The following ERBB4 variants were observed in gnomAD, a reference collection of about 807,000 sequenced individuals.
ERBB4 encodes the protein erb-b2 receptor tyrosine kinase 4.
ERBB4 carries 42 observed loss-of-function variants against 158.0 expected under a neutral mutation model. That is an observed-to-expected ratio of 0.27 (90% CI 0.21 to 0.34). The LOEUF is 0.34. Among genes scored for constraint, ERBB4 ranks in the 10% least tolerant of loss-of-function variants. The pLI is 1.00. For missense variants in ERBB4, 1,333 were observed against 1,624.1 expected, an observed-to-expected ratio of 0.82 and a Z score of 3.08; for synonymous variants, 583 against 558.7, an observed-to-expected ratio of 1.04 and a Z score of -0.61.
At position 211,815,000 on chromosome 2, in the gene ERBB4, G is replaced by A. The variant is rs557956561; in HGVS notation, c.422-26841C>T. On this transcript the variant is annotated intron_variant, in intron 3 of 27. Transcript: ENST00000342788. ...TTTCCAGGGACAGGCTCAGTTGATA[G>A]GTGTTTTTCCAGAGTAATTATAAAT... Among the ~76,000 whole-genome samples, 93 of 152,266 alleles carry A rather than the reference G, an allele frequency of 6.1e-4. 1 individual carries two copies. Among genetic ancestry groups the A allele is most frequent in the African/African-American group, 2.2e-3 (91 of 41,570 alleles).
chr2:211,587,446 CAG>C (rs1447588292), intron 19 of ERBB4, among the ~76,000 whole-genome samples: 1 of 152,010 alleles, frequency 6.6e-6, no homozygotes, highest in Non-Finnish European at 1.5e-5. Context: ...TGTGAAGACA[CAG>C]AAGCATAGGG....
intron 5 of ERBB4, among the ~76,000 whole-genome samples, chr2:211,735,367 G>A (rs977058194): frequency 1.3e-5 from 2 of 152,146 alleles, no homozygotes; most frequent in Admixed American, 6.5e-5. Context: ...TTTAAAATTA[G>A]TTTTCTGACT....
intron 1 of ERBB4, among the ~76,000 whole-genome samples, chr2:212,455,157 A>C (rs1382091073): frequency 7.3e-6 from 1 of 136,648 alleles, no homozygotes; most frequent in African/African-American, 2.5e-5. Flanking sequence ...TCCATTCAAG[A>C]AACAGTAGAG....
chr2:211,688,647 T>C (rs567719365), intron 12 of ERBB4, among the ~76,000 whole-genome samples: 12 of 152,354 alleles, frequency 7.9e-5, no homozygotes, highest in African/African-American at 2.4e-4. Context: ...CTTTTAACAA[T>C]GCAAAGTGGG....
intron 5 of ERBB4, among the ~76,000 whole-genome samples, chr2:211,732,658 G>A (rs1328861931): frequency 6.6e-6 from 1 of 152,118 alleles, no homozygotes; most frequent in Non-Finnish European, 1.5e-5. Context: ...TTCAGAGTCA[G>A]TTAATAAAAG....
chr2:211,503,704 A>G (rs2065673809), intron 20 of ERBB4, among the ~76,000 whole-genome samples: 1 of 152,206 alleles, frequency 6.6e-6, no homozygotes, highest in Non-Finnish European at 1.5e-5. Context: ...GCTGGCAGGT[A>G]TGGAAGCTGG....
At chr2:212,051,044 C>A (rs1214775360) in intron 2 of ERBB4, among the ~76,000 whole-genome samples, 1 of 152,152 alleles carries the variant, frequency 6.6e-6, no homozygotes. Flanking sequence ...AGAACAAAGG[C>A]ACTGCCATGA....
chr2:212,333,193 T>C (rs1176107556), intron 1 of ERBB4, among the ~76,000 whole-genome samples: 1 of 152,000 alleles, frequency 6.6e-6, no homozygotes, highest in Admixed American at 6.6e-5. Context: ...CTCTACCAGA[T>C]TGAGCCCTGG....
At chr2:211,687,444 T>C (rs1259997785) in intron 12 of ERBB4, among the ~76,000 whole-genome samples, 4 of 152,150 alleles carry the variant, frequency 2.6e-5, no homozygotes, top group African/African-American at 9.7e-5. Context: ...GAGATTGGCC[T>C]GGTGAGAGTA....
At chr2:211,586,679 T>C (rs1485888267) in intron 19 of ERBB4, among the ~76,000 whole-genome samples, 2 of 152,186 alleles carry the variant, frequency 1.3e-5, no homozygotes, top group African/African-American at 4.8e-5. Context: ...TTTGAGTCTA[T>C]TCTGGTTTCT....
rs2086899524 is a variant in ERBB4 at position 212,308,518 on chromosome 2, C to T, written c.83-183615G>A. On this transcript the variant is annotated intron_variant, in intron 1 of 27. Transcript: ENST00000342788. ...AGGTTCTGAAGAAGCTTTAAAAGAC[C>T]AGAATTTATTTGAAGTTATATAGTT... Among the ~76,000 whole-genome samples the T allele has an allele frequency of 2.0e-5, 3 of 150,822 alleles. No individual in the cohort carries two copies. The South Asian group carries it at 6.2e-4, about 31-fold the overall frequency.
At chr2:211,899,634 A>G (rs2079183002) in intron 3 of ERBB4, among the ~76,000 whole-genome samples, 1 of 151,816 alleles carries the variant, frequency 6.6e-6, no homozygotes, top group South Asian at 2.1e-4. Context: ...CTCTAGTGAT[A>G]TGTTATTGTG....
At chr2:212,514,795 C>T (rs1337230024) in intron 1 of ERBB4, among the ~76,000 whole-genome samples, 1 of 152,150 alleles carries the variant, frequency 6.6e-6, no homozygotes, top group Non-Finnish European at 1.5e-5. Flanking sequence ...CAGACCAAGA[C>T]TCCATCTCAA....
chr2:211,719,815 A>G (rs1172841774), intron 7 of ERBB4, among the ~76,000 whole-genome samples: 1 of 150,934 alleles, frequency 6.6e-6, no homozygotes, highest in Non-Finnish European at 1.5e-5. Context: ...AGATCATACT[A>G]CTGCATTCCA....
At chr2:211,662,968 G>A (rs2071488082) in intron 15 of ERBB4, among the ~76,000 whole-genome samples, 1 of 152,140 alleles carries the variant, frequency 6.6e-6, no homozygotes, top group Admixed American at 6.5e-5. Flanking sequence ...CTTACTGATA[G>A]GTCGATTATT....
At chr2:211,920,319 T>G (rs2079824013) in intron 3 of ERBB4, among the ~76,000 whole-genome samples, 1 of 152,010 alleles carries the variant, frequency 6.6e-6, no homozygotes, top group South Asian at 2.1e-4. Context: ...CAAGTCTAGC[T>G]TATCTTTGCT....
intron 2 of ERBB4, among the ~76,000 whole-genome samples, chr2:211,986,259 G>T (rs529224550): frequency 2.6e-5 from 4 of 152,268 alleles, no homozygotes; most frequent in African/African-American, 9.6e-5. Context: ...TGAGAGAAAA[G>T]AAATTTCTAT....
In ERBB4 at chr2:212,033,256, T is replaced by A. The variant is rs566197998; in HGVS notation, c.235-85640A>T. Among the ~76,000 whole-genome samples the A allele has an allele frequency of 2.0e-5, 3 of 152,140 alleles. No individual in the cohort carries two copies. The East Asian group carries it at 5.8e-4, about 29-fold the overall frequency. ...AATTTGGAAAAACAAATTAGTGATA[T>A]CAAGATTACTTTTCTAATGAAGGTA... On this transcript the variant is annotated intron_variant, in intron 2 of 27. Coordinates refer to ENST00000342788, the MANE Select transcript of ERBB4 (RefSeq NM_005235.3).
chr2:212,480,303 A>G (rs1379109213), intron 1 of ERBB4, among the ~76,000 whole-genome samples: 6 of 152,184 alleles, frequency 3.9e-5, no homozygotes. Flanking sequence ...AAGAAACAGT[A>G]TGTAAAAAGC....
Sources: gnomAD v4.1 joint callset for allele counts (sites outside exome capture counted in the v4.1 genomes callset) on GRCh38, gnomAD v4.1.1 for gene constraint, MANE v1.5 for transcripts, NCBI Gene and HGNC (gene_info 2026-07-23, HGNC 2026-07-21) for gene names.